The following BTBD9 variants were observed in gnomAD, a reference collection of about 807,000 sequenced individuals.
BTBD9 encodes the protein BTB domain containing 9.
A neutral mutation model predicts 64.3 loss-of-function variants in BTBD9; 49 were observed. That is an observed-to-expected ratio of 0.76 (90% CI 0.61 to 0.97). The LOEUF is 0.97. Ranked by LOEUF, BTBD9 falls within the 50% of genes least tolerant of loss-of-function variation. The pLI, the probability that BTBD9 is intolerant of heterozygous loss-of-function variation, is 0.00. For missense variants in BTBD9, 598 were observed against 762.1 expected (o/e 0.78, Z 2.53); for synonymous variants, 260 against 274.7 (o/e 0.95, Z 0.53).
chr6:38,591,922 T>C (rs532904044), intron 4 of BTBD9, among the ~76,000 whole-genome samples: 122 of 152,276 alleles, frequency 8.0e-4, no homozygotes, highest in African/African-American at 2.8e-3. Context: ...TGGTGGCTCA[T>C]GCCTGTAATC....
chr6:38,516,324 T>C (rs1478030146), intron 6 of BTBD9, among the ~76,000 whole-genome samples: 3 of 151,918 alleles, frequency 2.0e-5, no homozygotes, highest in African/African-American at 2.4e-5. Flanking sequence ...CAGATACATG[T>C]AGAACTATGT....
At position 38,242,220 on chromosome 6, in the gene BTBD9, C is replaced by G. The variant is rs74693373; in HGVS notation, c.1562+14189G>C. On this transcript the variant is annotated intron_variant, in intron 9 of 10. Transcript: ENST00000481247. ...TTGGGTTGGGAAATCACCAGTCGTC[C>G]CAGGCACAACATGAGCCAGTAGCAG... Among the ~76,000 whole-genome samples, 700 of 152,192 alleles carry G rather than the reference C, an allele frequency of 4.6e-3. 3 individuals carry two copies. Among genetic ancestry groups the G allele is most frequent in the African/African-American group, 0.016 (669 of 41,516 alleles).
chr6:38,341,179 T>A (rs1304323621), intron 7 of BTBD9, among the ~76,000 whole-genome samples: 4 of 152,200 alleles, frequency 2.6e-5, no homozygotes, highest in Non-Finnish European at 4.4e-5. Flanking sequence ...GAGTTCTGAT[T>A]TACTCAACCT....
chr6:38,458,308 G>A (rs1383411788), intron 6 of BTBD9, among the ~76,000 whole-genome samples: 1 of 151,976 alleles, frequency 6.6e-6, no homozygotes, highest in Non-Finnish European at 1.5e-5. Flanking sequence ...AGATAACCAG[G>A]GTAAATTGAG....
chr6:38,530,263 G>A (rs7753374), intron 6 of BTBD9, among the ~76,000 whole-genome samples: 11,436 of 152,046 alleles, frequency 0.075, 996 homozygotes, highest in East Asian at 0.23. Context: ...TACATGCACC[G>A]CTGAACATAG....
At chr6:38,459,597 C>T (rs1769980843) in intron 6 of BTBD9, among the ~76,000 whole-genome samples, 1 of 152,170 alleles carries the variant, frequency 6.6e-6, no homozygotes, top group African/African-American at 2.4e-5. Flanking sequence ...TGAGAGCCTA[C>T]GAGGAACAGA....
intron 6 of BTBD9, among the ~76,000 whole-genome samples, chr6:38,517,368 GTGTAT>G (rs945427163): frequency 2.6e-5 from 4 of 152,176 alleles, no homozygotes; most frequent in Non-Finnish European, 5.9e-5. Flanking sequence ...ACCTTCTTGG[GTGTAT>G]TGGGACACAA....
At chr6:38,321,345 C>G (rs562668921) in intron 7 of BTBD9, among the ~76,000 whole-genome samples, 2 of 152,020 alleles carry the variant, frequency 1.3e-5, no homozygotes, top group Non-Finnish European at 2.9e-5. Flanking sequence ...GGAAAGGTAC[C>G]CTACAGTATT....
intron 10 of BTBD9, among the ~76,000 whole-genome samples, chr6:38,190,392 G>A (rs976824223): frequency 2.0e-5 from 3 of 148,472 alleles, no homozygotes; most frequent in Non-Finnish European, 4.4e-5. Context: ...TCACTTGGAC[G>A]CAGGCGGCAG....
At chr6:38,298,486 T>G (rs1762248598) in intron 7 of BTBD9, among the ~76,000 whole-genome samples, 1 of 152,348 alleles carries the variant, frequency 6.6e-6, no homozygotes, top group African/African-American at 2.4e-5. Flanking sequence ...AAGTATTTGT[T>G]GTTTCTATGT....
chr6:38,208,370 T>C (rs1762724949), intron 9 of BTBD9, among the ~76,000 whole-genome samples: 1 of 152,188 alleles, frequency 6.6e-6, no homozygotes, highest in African/African-American at 2.4e-5. Flanking sequence ...TGGCGCATTG[T>C]AGTGATGGGC....
In BTBD9 at chr6:38,325,962, A is replaced by G. The variant is rs1486780810; in HGVS notation, c.1264+19022T>C. Reference sequence around the variant, plus strand: ...AACAGACAGGCTCTTCTATTATCGAACCATGTAAATAAATGTATAGTTACA... The same window carrying G: ...AACAGACAGGCTCTTCTATTATCGAGCCATGTAAATAAATGTATAGTTACA... On this transcript the variant is annotated intron_variant, in intron 7 of 10. Coordinates refer to ENST00000481247, the MANE Select transcript of BTBD9 (RefSeq NM_001099272.2). Among the ~76,000 whole-genome samples the G allele has an allele frequency of 2.6e-5, 4 of 152,174 alleles. No individual in the cohort carries two copies. The East Asian group carries it at 7.7e-4, about 29-fold the overall frequency.
rs186557012 is a variant in BTBD9 at position 38,528,273 on chromosome 6, C to T, written c.1154+49327G>A. Among the ~76,000 whole-genome samples, 431 of 152,320 alleles carry T rather than the reference C, an allele frequency of 2.8e-3. 3 individuals carry two copies. Among genetic ancestry groups the T allele is most frequent in the African/African-American group, 0.01 (419 of 41,564 alleles). ...AAATTGCCCACCCCAGGGCTCAGAA[C>T]CTGAGTCCTGGCAAGCCCTGCCACC... On this transcript the variant is annotated intron_variant, in intron 6 of 10. Transcript: ENST00000481247.
chr6:38,496,230 C>T (rs545401160), intron 6 of BTBD9, among the ~76,000 whole-genome samples: 2 of 152,084 alleles, frequency 1.3e-5, no homozygotes, highest in East Asian at 1.9e-4. Flanking sequence ...CTGTCACTGC[C>T]TTCTTTTATT....
At chr6:38,411,399 T>A (rs1003348015) in intron 6 of BTBD9, among the ~76,000 whole-genome samples, 4 of 152,164 alleles carry the variant, frequency 2.6e-5, no homozygotes, top group Non-Finnish European at 4.4e-5. Context: ...CCAAACTACA[T>A]TTGAAATTGT....
intron 1 of BTBD9, among the ~76,000 whole-genome samples, chr6:38,631,533 T>C (rs1220182515): frequency 1.3e-5 from 2 of 152,190 alleles, no homozygotes; most frequent in Non-Finnish European, 2.9e-5. Flanking sequence ...TTGCTCTCTC[T>C]TGCATCACTT....
At chr6:38,391,946 C>T (rs1471975597) in intron 6 of BTBD9, among the ~76,000 whole-genome samples, 2 of 152,216 alleles carry the variant, frequency 1.3e-5, no homozygotes, top group Non-Finnish European at 2.9e-5. Context: ...GGCCACACAA[C>T]TCAAGATTTG....
At chr6:38,274,188 A>G (rs1765293566) in intron 8 of BTBD9, among the ~76,000 whole-genome samples, 2 of 152,118 alleles carry the variant, frequency 1.3e-5, no homozygotes, top group African/African-American at 4.8e-5. Context: ...TTTGTCTGTT[A>G]TTGGTGTATA....
chr6:38,570,031 G>C (rs1775691170), intron 6 of BTBD9, among the ~76,000 whole-genome samples: 1 of 152,124 alleles, frequency 6.6e-6, no homozygotes. Flanking sequence ...GGAGAACTAA[G>C]GGGCAGGAAA....
Sources: gnomAD v4.1 joint callset for allele counts (sites outside exome capture counted in the v4.1 genomes callset) on GRCh38, gnomAD v4.1.1 for gene constraint, MANE v1.5 for transcripts, NCBI Gene and HGNC (gene_info 2026-07-23, HGNC 2026-07-21) for gene names.